The following CA5A variants were observed in gnomAD, a reference collection of about 807,000 sequenced individuals.
CA5A encodes carbonic anhydrase 5A.
In CA5A, 28 loss-of-function variants were observed where a neutral mutation model predicts 37.1. The observed-to-expected ratio is 0.75, with a 90% CI of 0.56 to 1.03. The LOEUF is 1.03. CA5A is among the 50% of genes least tolerant of loss of function. The pLI is 0.00. For synonymous variants in CA5A, 171 were observed against 158.4 expected (o/e 1.08, Z -0.60); for missense variants, 444 against 399.9 (o/e 1.11, Z -0.94).
chr16:87,892,869 TG>T, intron 5 of CA5A: 2 of 411,066 alleles, frequency 4.9e-6, no homozygotes, highest in Non-Finnish European at 8.8e-6. Flanking sequence ...TTAGCCAGGC[TG>T]GTCTTGAACT....
At chr16:87,885,207 A>AC (rs778015387), downstream of CA5A, 9 of 171,422 alleles carry the variant, frequency 5.3e-5, no homozygotes, top group African/African-American at 7.2e-5. Flanking sequence ...AACAACAACA[A>AC]AAAAAAGAGG....
chr16:87,888,191 G>A lies in CA5A; in HGVS notation c.856C>T (p.Pro286Ser). The stretch of plus-strand genomic sequence containing the variant: ...GCCCAGACCTTCCGGTTCATCAAGG[G>A]TTGAAGTGGGCGATAGTTGTTCACC... ...MMVNNYRPLQPLMNRKVWASF... is the reference protein window; with the variant it reads ...MMVNNYRPLQSLMNRKVWASF... Residue 286 changes from proline to serine, a missense_variant, in exon 7 of 7, where the codon CCC becomes TCC. Transcript: ENST00000649794. The A allele has an allele frequency of 6.2e-7, 1 of 1,613,920 alleles. No individual in the cohort carries two copies. Among genetic ancestry groups the A allele is most frequent in the Non-Finnish European group, 8.5e-7 (1 of 1,179,858 alleles).
At chr16:87,892,505 G>A (rs1305464382) in intron 5 of CA5A, among the ~76,000 whole-genome samples, 2 of 125,044 alleles carry the variant, frequency 1.6e-5, no homozygotes, top group Non-Finnish European at 3.4e-5. Flanking sequence ...GTGAGACTCT[G>A]TCTCAAATAA....
At chr16:87,916,985 G>C (rs2056153650) in intron 2 of CA5A, among the ~76,000 whole-genome samples, 2 of 151,750 alleles carry the variant, frequency 1.3e-5, no homozygotes, top group African/African-American at 4.8e-5. Context: ...GGCGCCTGTA[G>C]TCCCAGTTAC....
chr16:87,915,487 C>T (rs1412283117), intron 2 of CA5A, among the ~76,000 whole-genome samples: 1 of 149,588 alleles, frequency 6.7e-6, no homozygotes, highest in Non-Finnish European at 1.5e-5. Context: ...AGCCCAGATG[C>T]ACTTCAGCTT....
At chr16:87,884,422 C>A (rs1023463250), downstream of CA5A, 10 of 151,960 alleles carry the variant, frequency 6.6e-5, no homozygotes, top group African/African-American at 2.4e-4. Flanking sequence ...ACAAAATTAG[C>A]CAGGCGTGGT....
At chr16:87,890,573 C>A (rs1327660547) in intron 6 of CA5A, among the ~76,000 whole-genome samples, 3 of 152,026 alleles carry the variant, frequency 2.0e-5, no homozygotes, top group Non-Finnish European at 4.4e-5. Flanking sequence ...GCTACAGATT[C>A]TTAAGATTTC....
chr16:87,923,509 T>C (rs1364521880), intron 2 of CA5A: 2 of 980,456 alleles, frequency 2.0e-6, no homozygotes, highest in African/African-American at 1.8e-5. Flanking sequence ...TTAAAGGGGG[T>C]CTGTCCACAT....
At chr16:87,909,042 A>G (rs186606989) in intron 2 of CA5A, among the ~76,000 whole-genome samples, 3,521 of 149,054 alleles carry the variant, frequency 0.024, 47 homozygotes, top group Non-Finnish European at 0.034. Flanking sequence ...CATGTTGGCC[A>G]GGATGATCTC....
chr16:87,928,052 C>A (rs529318188), intron 1 of CA5A, among the ~76,000 whole-genome samples: 5 of 152,112 alleles, frequency 3.3e-5, no homozygotes, highest in Non-Finnish European at 7.3e-5. Flanking sequence ...AACCTTAGAG[C>A]ACTTCCAAAT....
At chr16:87,916,167 C>CAAAAAAAA in intron 2 of CA5A, among the ~76,000 whole-genome samples, 1 of 109,320 alleles carries the variant, frequency 9.1e-6, no homozygotes, top group Non-Finnish European at 1.9e-5. Flanking sequence ...GACTCCGTCT[C>CAAAAAAAA]AAAAAAAAAA....
intron 5 of CA5A, among the ~76,000 whole-genome samples, chr16:87,897,059 G>A (rs913549613): frequency 6.6e-6 from 1 of 152,254 alleles, no homozygotes; most frequent in Non-Finnish European, 1.5e-5. Context: ...TGTACGACAG[G>A]CAGTGTGGTG....
chr16:87,889,173 C>T (rs746861168), intron 6 of CA5A, among the ~76,000 whole-genome samples: 1 of 152,066 alleles, frequency 6.6e-6, no homozygotes, highest in African/African-American at 2.4e-5. Context: ...CCTGCCTCGG[C>T]CTCCCAAAGT....
chr16:87,932,090 A>G (rs2056414537), intron 1 of CA5A, among the ~76,000 whole-genome samples: 1 of 152,020 alleles, frequency 6.6e-6, no homozygotes, highest in African/African-American at 2.4e-5. Context: ...CGCCAGCCTG[A>G]GCAACAAGAG....
chr16:87,884,474 G>A (rs1483358480), downstream of CA5A: 2 of 151,904 alleles, frequency 1.3e-5, no homozygotes, highest in Non-Finnish European at 2.9e-5. Context: ...GGCTGAGGCA[G>A]GAGAATCACT....
Position 87,929,668 on chromosome 16 carries a change from C to T in CA5A, c.143-2723G>A, listed in dbSNP as rs531567545. On this transcript the variant is annotated intron_variant, in intron 1 of 6. Transcript: ENST00000649794. ...TGGGCGGATCACGAGGTCAGGAGATCGAGACCATCCTGGCTAACACCGTGA... is the reference window on the plus strand; with the variant it reads ...TGGGCGGATCACGAGGTCAGGAGATTGAGACCATCCTGGCTAACACCGTGA... 3.9e-3 allele frequency among the ~76,000 whole-genome samples: 594 copies of T among 151,542 alleles called. 5 individuals carry two copies. Among genetic ancestry groups the T allele is most frequent in the African/African-American group, 0.012 (501 of 41,336 alleles).
chr16:87,884,024 T>C (rs2055629165), downstream of CA5A: 1 of 152,056 alleles, frequency 6.6e-6, no homozygotes, highest in Admixed American at 6.6e-5. Context: ...TATTTTTCTG[T>C]GCTCATCTGA....
chr16:87,922,959 G>A (rs949563838), intron 2 of CA5A, among the ~76,000 whole-genome samples: 6 of 152,188 alleles, frequency 3.9e-5, no homozygotes, highest in African/African-American at 7.2e-5. Context: ...TATCTCCCAC[G>A]ACTGTTGAAA....
intron 2 of CA5A, among the ~76,000 whole-genome samples, chr16:87,919,928 G>T (rs1346687423): frequency 6.6e-6 from 1 of 152,148 alleles, no homozygotes; most frequent in Non-Finnish European, 1.5e-5. Context: ...TTGCACCATG[G>T]AAAGTGGCGA....
Sources: allele counts gnomAD v4.1 joint callset (sites outside exome capture counted in the v4.1 genomes callset), GRCh38; gene constraint gnomAD v4.1.1; transcripts MANE v1.5; gene names NCBI Gene and HGNC (gene_info 2026-07-23, HGNC 2026-07-21).